KCNQ1: variants seen among roughly 807,000 people sequenced by gnomAD.
KCNQ1 encodes the protein potassium voltage-gated channel subfamily Q member 1, also known as potassium voltage-gated channel subfamily KQT member 1.
KCNQ1 carries 49 observed loss-of-function variants against 72.4 expected under a neutral mutation model. The observed-to-expected ratio is 0.68, with a 90% CI of 0.54 to 0.86. The LOEUF (loss-of-function observed/expected upper bound fraction) is 0.86. KCNQ1 is among the 40% of genes least tolerant of loss of function. KCNQ1 has a pLI of 0.00. For missense variants in KCNQ1, 790 were observed against 945.1 expected (o/e 0.84, Z 2.15); for synonymous variants, 450 against 412.6 (o/e 1.09, Z -1.10).
intron 11 of KCNQ1, among the ~76,000 whole-genome samples, chr11:2,738,422 T>C (rs934843540): frequency 6.6e-6 from 1 of 152,120 alleles, no homozygotes; most frequent in Non-Finnish European, 1.5e-5. Flanking sequence ...CATGTGAGAA[T>C]GCAGCAGGTC....
chr11:2,747,048 G>A (rs1564879973), intron 11 of KCNQ1, among the ~76,000 whole-genome samples: 1 of 152,228 alleles, frequency 6.6e-6, no homozygotes. Flanking sequence ...GACGGGTGCT[G>A]TCCCTGGGGC....
chr11:2,449,175 C>G (rs534588573), intron 1 of KCNQ1, among the ~76,000 whole-genome samples: 35 of 152,340 alleles, frequency 2.3e-4, no homozygotes, highest in Admixed American at 1.0e-3. Context: ...GTGGCAGGCT[C>G]CTGGTGCTGG....
Position 2,690,599 on chromosome 11 carries a change from G to T in KCNQ1, c.1514+28518G>T, listed in dbSNP as rs1850572306. On this transcript the variant is annotated intron_variant, in intron 11 of 15. Transcript: ENST00000155840. This position sits in a 1 kb window ranked among gnomAD's most constrained non-coding sequence, Gnocchi z 5.1. ...AGAACCCACCTCCTGGCAGGGAGTGGGGCACACATATGTGCATGTTCATAT... is the reference window on the plus strand; with the variant it reads ...AGAACCCACCTCCTGGCAGGGAGTGTGGCACACATATGTGCATGTTCATAT... 2 of 398,536 alleles carry T rather than the reference G, an allele frequency of 5.0e-6. No individual in the cohort carries two copies. The highest frequency in any genetic ancestry group is 4.4e-6 in the Non-Finnish European group (1 of 226,108). 24.7% of individuals were successfully genotyped at this position (398,536 alleles called of 1,614,324 possible). A position where few individuals can be genotyped will look rare whatever the true frequency, so the allele number is the denominator to read the frequency against.
At chr11:2,591,102 T>A (rs941887510) in intron 10 of KCNQ1, among the ~76,000 whole-genome samples, 2 of 152,218 alleles carry the variant, frequency 1.3e-5, no homozygotes, top group Non-Finnish European at 2.9e-5. Context: ...TTACCAGCAG[T>A]TGTAAGGATG....
At chr11:2,631,139 T>C (rs1203726931) in intron 10 of KCNQ1, 3 of 398,590 alleles carry the variant, frequency 7.5e-6, no homozygotes, top group African/African-American at 2.0e-5. Context: ...GCCCCAGATA[T>C]GGGAAGTTTT....
At position 2,803,539 on chromosome 11, in the gene KCNQ1, C is replaced by T. The variant is rs1847314663; in HGVS notation, c.1794+25502C>T. 6.6e-6 allele frequency among the ~76,000 whole-genome samples: 1 copy of T among 152,152 alleles called. No homozygotes were observed. Among genetic ancestry groups the T allele is most frequent in the South Asian group, 2.1e-4 (1 of 4,832 alleles). On this transcript the variant is annotated intron_variant, in intron 15 of 15. Coordinates refer to ENST00000155840, the MANE Select transcript of KCNQ1 (RefSeq NM_000218.3). This position sits in a 1 kb window ranked among gnomAD's most constrained non-coding sequence, Gnocchi z 6.4. ...AAACCTCGCCCTTTCTCCCTGCAGGCACTGGCAGAGCTGGGGGTGATGGGG... is the reference window on the plus strand; with the variant it reads ...AAACCTCGCCCTTTCTCCCTGCAGGTACTGGCAGAGCTGGGGGTGATGGGG...
At chr11:2,757,301 C>T (rs540977292) in intron 11 of KCNQ1, among the ~76,000 whole-genome samples, 2 of 152,068 alleles carry the variant, frequency 1.3e-5, no homozygotes, top group South Asian at 4.2e-4. Context: ...CTGTGAAAAC[C>T]AAAATTAGAA....
At chr11:2,622,812 GC>G (rs1353888933) in intron 10 of KCNQ1, 1 of 398,502 alleles carries the variant, frequency 2.5e-6, no homozygotes, top group African/African-American at 2.1e-5. Context: ...TACATACAGA[GC>G]TTTTCCCATT....
At chr11:2,629,301 T>C (rs1849313362) in intron 10 of KCNQ1, 2 of 398,286 alleles carry the variant, frequency 5.0e-6, no homozygotes, top group Admixed American at 4.4e-5. Context: ...TCTAGGTCTT[T>C]TATCTCCTTG....
At position 2,704,619 on chromosome 11, in the gene KCNQ1, C is replaced by A. The variant is rs1437595338; in HGVS notation, c.1514+42538C>A. ...CTCTGGCTGCTGAACAGAGAGAGAA[C>A]TGAAGAGAGGCAGCAGGGTGAGGGG... On this transcript the variant is annotated intron_variant, in intron 11 of 15. Transcript: ENST00000155840. The surrounding 1 kb of genome is among the most constrained non-coding windows in gnomAD (Gnocchi z 4.3). Among the ~76,000 whole-genome samples, 3 of 152,174 alleles carry A rather than the reference C, an allele frequency of 2.0e-5. No homozygotes were observed.
chr11:2,454,742 C>T (rs1028684715), intron 1 of KCNQ1, among the ~76,000 whole-genome samples: 2 of 152,114 alleles, frequency 1.3e-5, no homozygotes, highest in Non-Finnish European at 2.9e-5. Context: ...AAAAAACCCT[C>T]AACAAAAATA....
Position 2,822,405 on chromosome 11 carries a change from A to G in KCNQ1, c.1795-25362A>G, listed in dbSNP as rs12290610. 2.0e-3 allele frequency among the ~76,000 whole-genome samples: 308 copies of G among 152,224 alleles called. 2 individuals are homozygous for G. In the Middle Eastern group the frequency reaches 0.027, roughly 13 times the overall value. ...CCTACCCTCCTAGGGATGTCCCTCT[A>G]GGAGGTGGAGGTGGGGAAATGGGGA... is the stretch of plus-strand genomic sequence containing the variant. On this transcript the variant is annotated intron_variant, in intron 15 of 15. Coordinates refer to ENST00000155840, the MANE Select transcript of KCNQ1 (RefSeq NM_000218.3).
Position 2,588,636 on chromosome 11 carries a change from A to C in KCNQ1, c.1252-77A>C. 6.3e-7 allele frequency: 1 copy of C among 1,587,322 alleles called. No homozygotes were observed. The highest frequency in any genetic ancestry group is 8.6e-7 in the Non-Finnish European group (1 of 1,163,240). On this transcript the variant is annotated intron_variant, in intron 9 of 15. Coordinates refer to ENST00000155840, the MANE Select transcript of KCNQ1 (RefSeq NM_000218.3). The surrounding 1 kb of genome is among the most constrained non-coding windows in gnomAD (Gnocchi z 5.6). ...CGGGGGCTGGGCTCGGGGCGGCTGC[A>C]CAGGCACTCTGGGGCCGGCGTAGGG...
At chr11:2,631,829 C>G in intron 10 of KCNQ1, 1 of 398,462 alleles carries the variant, frequency 2.5e-6, no homozygotes, top group Non-Finnish European at 4.4e-6. Flanking sequence ...CTGATGCTGT[C>G]GTGTAAATAG....
intron 15 of KCNQ1, among the ~76,000 whole-genome samples, chr11:2,779,208 C>A (rs1270683454): frequency 6.6e-6 from 1 of 152,200 alleles, no homozygotes; most frequent in Admixed American, 6.5e-5. Flanking sequence ...GGAAGCAAGA[C>A]CCGGGAGAGG....
chr11:2,815,895 G>T lies in KCNQ1; in HGVS notation c.1795-31872G>T. 6.6e-6 allele frequency among the ~76,000 whole-genome samples: 1 copy of T among 152,296 alleles called. No homozygotes were observed. The highest frequency in any genetic ancestry group is 1.9e-4 in the East Asian group (1 of 5,182). Reference sequence around the variant, plus strand: ...GCTGTATCTAACAGCTGCCTGTGCCGAAAAATTAAGCACCGCTGAGTCGCC... The same window carrying T: ...GCTGTATCTAACAGCTGCCTGTGCCTAAAAATTAAGCACCGCTGAGTCGCC... On this transcript the variant is annotated intron_variant, in intron 15 of 15. Transcript: ENST00000155840. This position sits in a 1 kb window ranked among gnomAD's most constrained non-coding sequence, Gnocchi z 5.4.
chr11:2,716,934 G>T (rs1417897311), intron 11 of KCNQ1, among the ~76,000 whole-genome samples: 2 of 152,230 alleles, frequency 1.3e-5, no homozygotes, highest in Non-Finnish European at 2.9e-5. Flanking sequence ...GGAGCTCTGT[G>T]CATATCCCCT....
At position 2,571,999 on chromosome 11, in the gene KCNQ1, C is replaced by T. The variant is rs757958398; in HGVS notation, c.684-14C>T. The T allele has an allele frequency of 3.7e-6, 6 of 1,608,216 alleles. No homozygotes were observed. The highest frequency in any genetic ancestry group is 3.3e-5 in the South Asian group (3 of 90,536). On this transcript the variant is annotated splice_polypyrimidine_tract_variant and intron_variant, in intron 4 of 15. Transcript: ENST00000155840. Reference sequence around the variant, plus strand: ...CAGCCTGGCTCCCTCAGCCCCACACCATCTCCTTCGCAGGGGCATCCGCTT... The same window carrying T: ...CAGCCTGGCTCCCTCAGCCCCACACTATCTCCTTCGCAGGGGCATCCGCTT...
In KCNQ1 at chr11:2,847,952, C is replaced by T; in HGVS notation, c.1980C>T (p.Pro660=). 1 of 1,567,674 alleles carries T rather than the reference C, an allele frequency of 6.4e-7. No homozygotes were observed. Among genetic ancestry groups the T allele is most frequent in the African/African-American group, 1.4e-5 (1 of 74,046 alleles). ...PELFLPSNTL[P]TYEQLTVPRR... ...TCTTCCTGCCCAGCAACACCCTGCC[C>T]ACCTACGAGCAGCTGACCGTGCCCA... The change falls in exon 16 of 16, where the codon CCC becomes CCT. Residue 660 remains proline, a synonymous_variant. Transcript: ENST00000155840.
Sources: allele counts gnomAD v4.1 joint callset (sites outside exome capture counted in the v4.1 genomes callset), GRCh38; gene constraint gnomAD v4.1.1; non-coding constraint Gnocchi (gnomAD v3.1); transcripts MANE v1.5; gene names NCBI Gene and HGNC (gene_info 2026-07-23, HGNC 2026-07-21).